Variants in NT5C3A observed in about 807,000 individuals in gnomAD.
NT5C3A encodes cytosolic 5'-nucleotidase 3A.
Under a neutral mutation model 40.0 loss-of-function variants are expected in NT5C3A, and 23 were observed. That is an observed-to-expected ratio of 0.58 (90% CI 0.41 to 0.81). NT5C3A has a LOEUF of 0.81. Among genes scored for constraint, NT5C3A ranks in the 40% least tolerant of loss-of-function variants. The pLI is 0.00. For synonymous variants in NT5C3A, 130 were observed against 141.4 expected, an observed-to-expected ratio of 0.92 and a Z score of 0.57; for missense variants, 328 against 403.0, an observed-to-expected ratio of 0.81 and a Z score of 1.59.
intron 1 of NT5C3A, among the ~76,000 whole-genome samples, chr7:33,057,792 A>G (rs1787627800): frequency 6.6e-6 from 1 of 152,216 alleles, no homozygotes; most frequent in South Asian, 2.1e-4. Context: ...AGATATATTT[A>G]AATTGGAAAT....
In NT5C3A at chr7:33,058,340, T is replaced by A. The variant is rs566691248; in HGVS notation, c.138+4228A>T. ...GTATGAATAGTACACTTTTATTATT[T>A]TTTTATTTTATTTTATTTTATTTTG... is the stretch of plus-strand genomic sequence containing the variant. On this transcript the variant is annotated intron_variant, in intron 1 of 8. Transcript: ENST00000610140. Among the ~76,000 whole-genome samples the A allele has an allele frequency of 5.5e-3, 838 of 151,252 alleles. 8 individuals are homozygous for A. The highest frequency in any genetic ancestry group is 0.019 in the African/African-American group (797 of 41,230).
intron 1 of NT5C3A, 103 bp downstream of exon 1, chr7:33,062,465 T>C (rs1583981039): frequency 9.4e-7 from 1 of 1,061,106 alleles, no homozygotes; most frequent in Non-Finnish European, 1.4e-6. Context: ...CGCCGGCAGC[T>C]CCCCGTCGCG....
At chr7:33,028,009 A>G (rs986229477) in intron 1 of NT5C3A, among the ~76,000 whole-genome samples, 21 of 152,258 alleles carry the variant, frequency 1.4e-4, no homozygotes, top group Non-Finnish European at 1.5e-4. Context: ...TTGTCTTTGT[A>G]TAATTAAAAT....
chr7:33,039,605 C>T (rs977362231), intron 1 of NT5C3A, among the ~76,000 whole-genome samples: 1 of 116,884 alleles, frequency 8.6e-6, no homozygotes, highest in Non-Finnish European at 1.6e-5. Flanking sequence ...GTGATTAGCA[C>T]ATGCAAAATC....
chr7:33,047,508 A>G (rs901831548), intron 1 of NT5C3A, among the ~76,000 whole-genome samples: 6 of 152,200 alleles, frequency 3.9e-5, no homozygotes, highest in Non-Finnish European at 7.4e-5. Flanking sequence ...CTATGCATCA[A>G]TTAAATACAT....
intron 1 of NT5C3A, among the ~76,000 whole-genome samples, chr7:33,057,503 T>C (rs566749705): frequency 1.3e-5 from 2 of 152,138 alleles, no homozygotes; most frequent in East Asian, 3.9e-4. Flanking sequence ...GCCTGGGTGA[T>C]CGAGTGAGAC....
intron 1 of NT5C3A, among the ~76,000 whole-genome samples, chr7:33,039,583 T>C (rs1223435443): frequency 2.7e-5 from 4 of 147,298 alleles, no homozygotes; most frequent in Non-Finnish European, 6.0e-5. Flanking sequence ...TTTTTAATGT[T>C]ACTGTCTTCG....
Position 33,016,723 on chromosome 7 carries a change from TTTTTA to T in NT5C3A, c.693+711_693+715del, listed in dbSNP as rs1268594440. On this transcript the variant is annotated intron_variant, in intron 7 of 8. Coordinates refer to ENST00000610140, the MANE Select transcript of NT5C3A (RefSeq NM_001002010.5). Reference sequence around the variant, plus strand: ...AATGAGTTCAAAATTCAATTTTCAGTTTTTATTTTGTTTCTAACCAAAATATCCTA... The same window carrying T: ...AATGAGTTCAAAATTCAATTTTCAGTTTTTGTTTCTAACCAAAATATCCTA... Among the ~76,000 whole-genome samples, 29 of 151,770 alleles carry T rather than the reference TTTTTA, an allele frequency of 1.9e-4. 1 individual carries two copies. The highest frequency in any genetic ancestry group is 3.4e-3 in the Middle Eastern group (1 of 290).
intron 1 of NT5C3A, among the ~76,000 whole-genome samples, chr7:33,050,426 C>A (rs898244113): frequency 1.3e-5 from 2 of 152,220 alleles, no homozygotes; most frequent in Non-Finnish European, 2.9e-5. Flanking sequence ...TGAATTTTAT[C>A]TAGCAACTTG....
At chr7:33,047,539 C>T (rs951276958) in intron 1 of NT5C3A, among the ~76,000 whole-genome samples, 1 of 151,894 alleles carries the variant, frequency 6.6e-6, no homozygotes. Context: ...TTATGATATC[C>T]ATGTGATATA....
At chr7:33,038,293 A>G (rs1451593636) in intron 1 of NT5C3A, among the ~76,000 whole-genome samples, 1 of 152,166 alleles carries the variant, frequency 6.6e-6, no homozygotes, top group Non-Finnish European at 1.5e-5. Flanking sequence ...AATATCTAGG[A>G]ATCTAAGATC....
rs140504498 is a variant in NT5C3A, at chr7:33,055,485, C to T, written c.138+7083G>A. Among the ~76,000 whole-genome samples, 741 of 152,302 alleles carry T rather than the reference C, an allele frequency of 4.9e-3. 7 individuals carry two copies. The highest frequency in any genetic ancestry group is 0.014 in the African/African-American group (580 of 41,554). ...ATCAGAAAACAATTCTTCAACTTCA[C>T]TTACATAAGGGTAGCCATATAACCT... On this transcript the variant is annotated intron_variant, in intron 1 of 8. Coordinates refer to ENST00000610140, the MANE Select transcript of NT5C3A (RefSeq NM_001002010.5).
intron 1 of NT5C3A, among the ~76,000 whole-genome samples, chr7:33,041,579 T>C (rs1786913534): frequency 6.6e-6 from 1 of 152,174 alleles, no homozygotes; most frequent in African/African-American, 2.4e-5. Flanking sequence ...ATAGTCTTTA[T>C]CAAAGGGCAG....
chr7:33,042,788 C>T (rs1786983071), intron 1 of NT5C3A, among the ~76,000 whole-genome samples: 1 of 152,138 alleles, frequency 6.6e-6, no homozygotes, highest in Non-Finnish European at 1.5e-5. Context: ...AGAAATTAGG[C>T]AGTACACAAA....
chr7:33,033,460 AG>A (rs1165617820), intron 1 of NT5C3A, among the ~76,000 whole-genome samples: 2 of 152,232 alleles, frequency 1.3e-5, no homozygotes, highest in East Asian at 3.8e-4. Context: ...CCACATATTA[AG>A]TATAAGACAG....
chr7:33,020,164 G>C (rs954860134), intron 5 of NT5C3A, among the ~76,000 whole-genome samples: 4 of 152,120 alleles, frequency 2.6e-5, no homozygotes, highest in African/African-American at 9.7e-5. Context: ...GTTATGGCAA[G>C]TGTCATATAC....
Position 33,015,820 on chromosome 7 carries a change from A to C in NT5C3A, c.744T>G (p.His248Gln). 1 of 1,611,144 alleles carries C rather than the reference A, an allele frequency of 6.2e-7. No individual in the cohort carries two copies. The highest frequency in any genetic ancestry group is 8.5e-7 in the Non-Finnish European group (1 of 1,177,262). Residue 248 changes from histidine (H) to glutamine (Q), a missense_variant, in exon 8 of 9, where the codon CAT becomes CAG. His to Gln is a conservative substitution (Grantham distance 24). Transcript: ENST00000610140. Reference sequence around the variant, plus strand: ...ATTCTGTATTCCTCAAGGCACCATCATGTTTGTTAAATACATGAATTAGTT... The same window carrying C: ...ATTCTGTATTCCTCAAGGCACCATCCTGTTTGTTAAATACATGAATTAGTT... ...KGELIHVFNK[H>Q]DGALRNTEYF...
At chr7:33,056,412 A>C (rs1787570246) in intron 1 of NT5C3A, among the ~76,000 whole-genome samples, 1 of 138,018 alleles carries the variant, frequency 7.2e-6, no homozygotes, top group Non-Finnish European at 1.5e-5. Flanking sequence ...CAAGGCAGGA[A>C]GACTGCTTGA....
chr7:33,029,677 C>T, intron 1 of NT5C3A: 2 of 1,289,914 alleles, frequency 1.6e-6, no homozygotes, highest in Middle Eastern at 2.1e-4. Context: ...AGGAGAATCA[C>T]ACCAAGACCA....
Sources: allele counts gnomAD v4.1 joint callset (sites outside exome capture counted in the v4.1 genomes callset), GRCh38; gene constraint gnomAD v4.1.1; transcripts MANE v1.5; gene names NCBI Gene and HGNC (gene_info 2026-07-23, HGNC 2026-07-21).